Variants in FBXL13 observed in about 807,000 individuals in gnomAD.
The protein encoded by FBXL13 is F-box and leucine rich repeat protein 13.
Under a neutral mutation model 83.6 loss-of-function variants are expected in FBXL13, and 67 were observed. That is an observed-to-expected ratio of 0.80 (90% confidence interval 0.66 to 0.98). FBXL13 has a LOEUF of 0.98. Ranked by LOEUF, FBXL13 falls within the 50% of genes least tolerant of loss-of-function variation. FBXL13 has a pLI of 0.00. For synonymous variants in FBXL13, 272 were observed against 299.5 expected (o/e 0.91, Z 0.95); for missense variants, 822 against 866.5 (o/e 0.95, Z 0.64).
intron 17 of FBXL13, among the ~76,000 whole-genome samples, chr7:102,842,162 A>G (rs1803062609): frequency 6.6e-6 from 1 of 152,210 alleles, no homozygotes; most frequent in Non-Finnish European, 1.5e-5. Flanking sequence ...ACCTCCCCAT[A>G]CAAGAGATTT....
chr7:102,982,712 C>T (rs1828405061), intron 6 of FBXL13, among the ~76,000 whole-genome samples: 1 of 152,152 alleles, frequency 6.6e-6, no homozygotes, highest in African/African-American at 2.4e-5. Context: ...GCTATTCTTT[C>T]ATTTGCAACC....
At chr7:102,948,222 C>T (rs1654443505) in intron 8 of FBXL13, among the ~76,000 whole-genome samples, 1 of 151,946 alleles carries the variant, frequency 6.6e-6, no homozygotes, top group African/African-American at 2.4e-5. Context: ...CGCCACCATG[C>T]CTGGCTAAAT....
At chr7:102,953,770 T>C (rs4620204) in intron 8 of FBXL13, among the ~76,000 whole-genome samples, 78,742 of 152,070 alleles carry the variant, frequency 0.52, 23,207 homozygotes, top group Non-Finnish European at 0.65. Context: ...TCAACTACCA[T>C]TGCTATCATG....
rs143167756 is a variant in FBXL13 at position 103,012,235 on chromosome 7, C to T, written c.495+12828G>A. ...TACTAAAAATACAAAATTAGCCGGG[C>T]GTGGTGGCACATGCTTGTAATCCCA... is the stretch of plus-strand genomic sequence containing the variant. On this transcript the variant is annotated intron_variant, in intron 6 of 19. Coordinates refer to ENST00000313221, the Ensembl canonical transcript of FBXL13. 7.4e-3 allele frequency among the ~76,000 whole-genome samples: 1,120 copies of T among 152,092 alleles called. 78 individuals are homozygous for T. In the East Asian group the frequency reaches 0.16, roughly 21 times the overall value.
At chr7:102,885,400 C>G (rs956217077) in intron 11 of FBXL13, among the ~76,000 whole-genome samples, 1 of 151,574 alleles carries the variant, frequency 6.6e-6, no homozygotes, top group African/African-American at 2.4e-5. Flanking sequence ...TACTTGCTAG[C>G]CATTGGTATG....
At chr7:102,835,614 T>TTTC (rs1801767180) in intron 17 of FBXL13, among the ~76,000 whole-genome samples, 1 of 92,152 alleles carries the variant, frequency 1.1e-5, no homozygotes, top group Non-Finnish European at 2.4e-5. Flanking sequence ...TTTTTTTTTT[T>TTTC]TTTTTTTTTT....
intron 1 of FBXL13, among the ~76,000 whole-genome samples, chr7:103,073,398 A>C (rs1799216342): frequency 6.6e-6 from 1 of 152,120 alleles, no homozygotes; most frequent in South Asian, 2.1e-4. Flanking sequence ...TGGGAGGATC[A>C]ATTGAGCCCA....
At chr7:102,921,553 G>C (rs1817031417) in intron 10 of FBXL13, among the ~76,000 whole-genome samples, 1 of 151,408 alleles carries the variant, frequency 6.6e-6, no homozygotes, top group African/African-American at 2.4e-5. Context: ...TGTGGTAAGT[G>C]CCTGTAGTCC....
intron 6 of FBXL13, among the ~76,000 whole-genome samples, chr7:103,000,547 C>A (rs1413640729): frequency 1.3e-5 from 2 of 152,174 alleles, no homozygotes; most frequent in Non-Finnish European, 2.9e-5. Flanking sequence ...CTAAAGAAAA[C>A]ATTGTATATT....
Position 102,826,770 on chromosome 7 carries a change from T to C in FBXL13, c.1855-4567A>G, listed in dbSNP as rs1373950707. ...ATATATATATATATATATATATATA[T>C]ATGTATATATATCTCTAATATATTA... On this transcript the variant is annotated intron_variant, in intron 18 of 19. Coordinates refer to ENST00000313221, the Ensembl canonical transcript of FBXL13. 3.4e-4 allele frequency among the ~76,000 whole-genome samples: 34 copies of C among 98,980 alleles called. 1 individual carries two copies. The highest frequency in any genetic ancestry group is 1.2e-3 in the African/African-American group (31 of 24,956). The allele number at this position is 98,980 out of a possible 152,430, so 64.9% of individuals were successfully genotyped here.
chr7:102,866,272 T>C (rs1456486063), intron 16 of FBXL13, among the ~76,000 whole-genome samples: 1 of 152,182 alleles, frequency 6.6e-6, no homozygotes, highest in Non-Finnish European at 1.5e-5. Flanking sequence ...AGGCTCAAGT[T>C]GGTCGCTTCT....
At chr7:102,973,528 C>G in intron 6 of FBXL13, 1 of 764,234 alleles carries the variant, frequency 1.3e-6, no homozygotes, top group Non-Finnish European at 2.4e-6. Context: ...TGCACCCAGG[C>G]GCTCATTAAA....
chr7:102,844,664 ACT>A (rs1803615364), intron 17 of FBXL13, among the ~76,000 whole-genome samples: 1 of 152,158 alleles, frequency 6.6e-6, no homozygotes, highest in African/African-American at 2.4e-5. Context: ...TTTTCTATAC[ACT>A]GACCAATTCT....
rs1563206012 is a variant in FBXL13 at position 103,003,293 on chromosome 7, T to TG, written c.495+21769_495+21770insC. On this transcript the variant is annotated intron_variant, in intron 6 of 19. Coordinates refer to ENST00000313221, the Ensembl canonical transcript of FBXL13. ...TTGTTTTGGGGTTTTTTTTTTTTTT[T>TG]TTTTTTTTTTTTGAGACAGACTCTC... Among the ~76,000 whole-genome samples the TG allele has an allele frequency of 5.2e-3, 684 of 131,622 alleles. 5 individuals are homozygous for TG. The highest frequency in any genetic ancestry group is 0.019 in the African/African-American group (644 of 34,374). 86.3% of individuals were successfully genotyped at this position (131,622 alleles called of 152,430 possible).
At chr7:102,973,811 T>C in intron 6 of FBXL13, 3 of 726,820 alleles carry the variant, frequency 4.1e-6, no homozygotes, top group African/African-American at 3.4e-5. Context: ...GAAAAATCCA[T>C]ACAGCCTCTC....
intron 1 of FBXL13, among the ~76,000 whole-genome samples, chr7:103,060,943 C>T (rs1165663158): frequency 6.6e-6 from 1 of 152,144 alleles, no homozygotes; most frequent in Non-Finnish European, 1.5e-5. Context: ...AGGTAGCACG[C>T]TGTTGTTTTG....
intron 2 of FBXL13, among the ~76,000 whole-genome samples, chr7:103,036,705 T>C (rs1035819822): frequency 2.0e-5 from 3 of 151,970 alleles, no homozygotes; most frequent in African/African-American, 7.3e-5. Context: ...AGAAATGGGG[T>C]TTCACCATGT....
At chr7:103,065,448 G>C (rs1247487965) in intron 1 of FBXL13, among the ~76,000 whole-genome samples, 3 of 152,042 alleles carry the variant, frequency 2.0e-5, no homozygotes, top group Non-Finnish European at 4.4e-5. Context: ...CAACTCTCCG[G>C]AAAGTTCTCA....
intron 19 of FBXL13, among the ~76,000 whole-genome samples, chr7:102,817,842 G>C (rs1203532088): frequency 6.6e-6 from 1 of 152,158 alleles, no homozygotes; most frequent in Non-Finnish European, 1.5e-5. Context: ...AAGTGACTGT[G>C]AGACCCCGTA....
Sources: gnomAD v4.1 joint callset for allele counts (sites outside exome capture counted in the v4.1 genomes callset) on GRCh38, gnomAD v4.1.1 for gene constraint, MANE v1.5 for transcripts, NCBI Gene and HGNC (gene_info 2026-07-23, HGNC 2026-07-21) for gene names.